RNF207: variants seen among roughly 807,000 people sequenced by gnomAD.
The protein encoded by RNF207 is OTTHUMG00000001089.
RNF207 carries 72 observed loss-of-function variants against 79.0 expected under a neutral mutation model. That is an observed-to-expected ratio of 0.91 (90% CI 0.75 to 1.11). The LOEUF is 1.11. Among genes scored for constraint, RNF207 ranks in the 50% least tolerant of loss-of-function variants. The pLI, the probability that RNF207 is intolerant of heterozygous loss-of-function variation, is 0.00. For missense variants in RNF207, 936 were observed against 855.8 expected (o/e 1.09, Z -1.17); for synonymous variants, 348 against 366.2 (o/e 0.95, Z 0.57).
At chr1:6,212,578 C>T in intron 14 of RNF207, 104 bp from the exon 15 acceptor site, 1 of 1,276,142 alleles carries the variant, frequency 7.8e-7, no homozygotes, top group Non-Finnish European at 1.1e-6. Context: ...ACCACGTGGA[C>T]CTGGCTGGGG....
rs537766037 is a variant in RNF207, at chr1:6,210,209, C to A, written c.801-14C>A. 3.7e-6 allele frequency: 6 copies of A among 1,609,164 alleles called. No homozygotes were observed. In the South Asian group the frequency reaches 6.6e-5, roughly 18 times the overall value. On this transcript the variant is annotated splice_polypyrimidine_tract_variant and intron_variant, in intron 8 of 17. Transcript: ENST00000377939. ...TCCTGGCCCCCTGGAAACCAGGCAG[C>A]CCCCCTCCCCCAGCCAATACGAAGA...
At chr1:6,214,334 T>C (rs1668284564) in intron 16 of RNF207, among the ~76,000 whole-genome samples, 1 of 152,182 alleles carries the variant, frequency 6.6e-6, no homozygotes, top group Non-Finnish European at 1.5e-5. Context: ...TCTATTTCCA[T>C]CCATTAGGTT....
rs1455582984 is a variant in RNF207, at chr1:6,209,313, G to A, written c.597G>A (p.Gln199=). Residue 199 remains glutamine, a synonymous_variant, in exon 6 of 18, where the codon CAG becomes CAA. Transcript: ENST00000377939. ...HCVDLESAYV[Q]GCERLEQAVL... ...TGGACCTGGAATCGGCTTACGTGCA[G>A]GGCTGCGAGCGGCTGGAGCAGGCGG... is the stretch of plus-strand genomic sequence containing the variant. 1.3e-6 allele frequency: 2 copies of A among 1,547,354 alleles called. No homozygotes were observed. Among genetic ancestry groups the A allele is most frequent in the Middle Eastern group, 1.8e-4 (1 of 5,570 alleles).
In RNF207 at chr1:6,209,198, T is replaced by G; in HGVS notation, c.551+2T>G. 6.4e-7 allele frequency: 1 copy of G among 1,552,992 alleles called. No individual in the cohort carries two copies. Among genetic ancestry groups the G allele is most frequent in the Non-Finnish European group, 8.7e-7 (1 of 1,148,026 alleles). On this transcript the variant is annotated splice_donor_variant, in intron 5 of 17. Coordinates refer to ENST00000377939, the MANE Select transcript of RNF207 (RefSeq NM_207396.3). LOFTEE classifies it high-confidence loss of function. ...CCGCTGCTTCCGCGACATGCAGAAGTGCGTACAGGGGACGCGAGGGGAGGG... is the reference window on the plus strand; with the variant it reads ...CCGCTGCTTCCGCGACATGCAGAAGGGCGTACAGGGGACGCGAGGGGAGGG...
intron 16 of RNF207, among the ~76,000 whole-genome samples, chr1:6,215,186 G>A (rs946362684): frequency 1.3e-5 from 2 of 151,928 alleles, no homozygotes; most frequent in African/African-American, 2.4e-5. Flanking sequence ...GCGCCACCAC[G>A]CCCGGCTAAT....
At chr1:6,210,555 G>C (rs530154008) in intron 10 of RNF207, 117 bp downstream of exon 10, 7 of 760,892 alleles carry the variant, frequency 9.2e-6, no homozygotes, top group Admixed American at 2.5e-5. Context: ...CAGGGATCTC[G>C]GGGCTGACCC....
intron 16 of RNF207, among the ~76,000 whole-genome samples, chr1:6,215,877 A>AG (rs1456156593): frequency 1.3e-4 from 20 of 152,318 alleles, no homozygotes; most frequent in African/African-American, 4.6e-4. Context: ...CTCAGATGTC[A>AG]GGTCACCCTT....
Position 6,211,795 on chromosome 1 carries a change from G to A in RNF207, c.1110-72G>A. 8.6e-7 allele frequency: 1 copy of A among 1,163,198 alleles called. No individual in the cohort carries two copies. Among genetic ancestry groups the A allele is most frequent in the South Asian group, 1.4e-5 (1 of 69,180 alleles). 72.1% of individuals were successfully genotyped at this position (1,163,198 alleles called of 1,614,324 possible). On this transcript the variant is annotated intron_variant, in intron 12 of 17. Transcript: ENST00000377939. The surrounding 1 kb of genome is among the most constrained non-coding windows in gnomAD (Gnocchi z 4.2). ...CTGTGAGATCCCGGAGCAGTCCAGG[G>A]GGCTGCCCTGGGAGGCTGGGGGAGG...
intron 17 of RNF207, among the ~76,000 whole-genome samples, chr1:6,218,817 CAT>C (rs1367619457): frequency 6.6e-6 from 1 of 152,120 alleles, no homozygotes; most frequent in Admixed American, 6.5e-5. Flanking sequence ...TTCAGGAAAA[CAT>C]AGTCACAGGG....
At chr1:6,218,190 A>C in intron 16 of RNF207, 99 bp from the exon 17 acceptor site, 1 of 773,846 alleles carries the variant, frequency 1.3e-6, no homozygotes, top group South Asian at 1.5e-5. Flanking sequence ...AGGTGGGTGC[A>C]TGAGTGGTGG....
chr1:6,206,667 C>T lies in RNF207; in HGVS notation c.132C>T (p.Phe44=). 6.2e-7 allele frequency: 1 copy of T among 1,606,754 alleles called. No homozygotes were observed. Among genetic ancestry groups the T allele is most frequent in the South Asian group, 1.1e-5 (1 of 91,080 alleles). ...RPCLLDCFHD[F]CAGCLRGRAT... The stretch of plus-strand genomic sequence containing the variant: ...GTCTTCTGGACTGTTTCCACGACTT[C>T]TGTGCCGGCTGCCTGCGTGGCCGCG... Residue 44 remains phenylalanine (F), a synonymous_variant, in exon 2 of 18, where the codon TTC becomes TTT. Coordinates refer to ENST00000377939, the MANE Select transcript of RNF207 (RefSeq NM_207396.3).
intron 17 of RNF207, 84 bp from the exon 18 acceptor site, chr1:6,219,152 A>C: frequency 7.9e-7 from 1 of 1,267,012 alleles, no homozygotes; most frequent in Non-Finnish European, 1.1e-6. Context: ...TTCCATTCTG[A>C]GTGCTTTGGC....
chr1:6,207,463 C>A lies in RNF207; in HGVS notation c.276C>A (p.Gly92=). 1 of 1,584,568 alleles carries A rather than the reference C, an allele frequency of 6.3e-7. No individual in the cohort carries two copies. Among genetic ancestry groups the A allele is most frequent in the South Asian group, 1.2e-5 (1 of 86,320 alleles). ...LQFLVDSSGD[G]VEAVRCANCD... ...TCCTGGTGGACAGCTCAGGGGATGG[C>A]GTGGAGGCGGTGCGCTGTGCCAACT... is the stretch of plus-strand genomic sequence containing the variant. Residue 92 remains glycine, a synonymous_variant, in exon 3 of 18, where the codon GGC becomes GGA. Transcript: ENST00000377939. This position sits in a 1 kb window ranked among gnomAD's most constrained non-coding sequence, Gnocchi z 4.5.
Position 6,209,344 on chromosome 1 carries a change from G to A in RNF207, c.627+1G>A, listed in dbSNP as rs1668056578. 2 of 1,543,056 alleles carry A rather than the reference G, an allele frequency of 1.3e-6. No individual in the cohort carries two copies. The highest frequency in any genetic ancestry group is 1.4e-5 in the African/African-American group (1 of 72,816). ...CGAGCGGCTGGAGCAGGCGGTGCTG[G>A]TGAGCGCAGGGGCCTGGCGCGCGGG... On this transcript the variant is annotated splice_donor_variant, in intron 6 of 17. Coordinates refer to ENST00000377939, the MANE Select transcript of RNF207 (RefSeq NM_207396.3). LOFTEE classifies it high-confidence loss of function.
intron 14 of RNF207, 117 bp from the exon 15 acceptor site, chr1:6,212,565 G>T: frequency 8.1e-7 from 1 of 1,235,588 alleles, no homozygotes; most frequent in Non-Finnish European, 1.2e-6. Context: ...TTTGCTGCTT[G>T]GAACCACGTG....
In RNF207 at chr1:6,209,934, C is replaced by T; in HGVS notation, c.764C>T (p.Ala255Val). 6.3e-7 allele frequency: 1 copy of T among 1,591,160 alleles called. No individual in the cohort carries two copies. Among genetic ancestry groups the T allele is most frequent in the Non-Finnish European group, 8.6e-7 (1 of 1,168,716 alleles). ...CGCCATCTCTCCCAGGACAGGCTGG[C>T]AGAGAGGAAAGCGCTGCTGCTGCAG... The part of the protein sequence containing the change: ...ALFGSMQDRL[A>V]ERKALLLQAV... Residue 255 changes from alanine to valine, a missense_variant, in exon 8 of 18, where the codon GCA (alanine) becomes GTA (valine). Physicochemically the swap from Ala to Val is moderately conservative, Grantham distance 64 (BLOSUM62 0). Transcript: ENST00000377939.
At chr1:6,213,042 C>G (rs751638640) in intron 15 of RNF207, 24 bp from the exon 16 acceptor site, 2 of 1,475,692 alleles carry the variant, frequency 1.4e-6, no homozygotes, top group South Asian at 2.3e-5. Context: ...ATTAAGACCC[C>G]ATGCTCTGGC....
At chr1:6,212,506 C>A in intron 14 of RNF207, 90 bp downstream of exon 14, 2 of 1,359,688 alleles carry the variant, frequency 1.5e-6, no homozygotes, top group Admixed American at 1.9e-5. Context: ...GAGGACCTGG[C>A]CTGTACCCCA....
rs1668389276 is a variant in RNF207, at chr1:6,217,178, G to A, written c.1653-1111G>A. ...CCGTGCCTAGCCATGTTAGTCTTCA[G>A]TACACCTTCTCTTTGCTGACAGCCC... On this transcript the variant is annotated intron_variant, in intron 16 of 17. Transcript: ENST00000377939. The surrounding 1 kb of genome is among the most constrained non-coding windows in gnomAD (Gnocchi z 4.2). Among the ~76,000 whole-genome samples, 1 of 152,098 alleles carries A rather than the reference G, an allele frequency of 6.6e-6. No individual in the cohort carries two copies. Among genetic ancestry groups the A allele is most frequent in the African/African-American group, 2.4e-5 (1 of 41,402 alleles).
Sources: allele counts gnomAD v4.1 joint callset (sites outside exome capture counted in the v4.1 genomes callset), GRCh38; gene constraint gnomAD v4.1.1; non-coding constraint Gnocchi (gnomAD v3.1); transcripts MANE v1.5; gene names NCBI Gene and HGNC (gene_info 2026-07-23, HGNC 2026-07-21).